KCNK2: variants seen among roughly 807,000 people sequenced by gnomAD.
KCNK2 encodes the protein potassium two pore domain channel subfamily K member 2, also known as potassium channel subfamily K member 2.
KCNK2 carries 21 observed loss-of-function variants against 40.5 expected under a neutral mutation model. The ratio of observed to expected loss-of-function variants is 0.52; its 90% CI spans 0.37 to 0.75. The LOEUF (loss-of-function observed/expected upper bound fraction) is 0.75. Ranked by LOEUF, KCNK2 falls within the 30% of genes least tolerant of loss-of-function variation. KCNK2 has a pLI of 0.00. For missense variants in KCNK2, 399 were observed against 531.6 expected, an observed-to-expected ratio of 0.75 and a Z score of 2.45; for synonymous variants, 191 against 202.2, an observed-to-expected ratio of 0.94 and a Z score of 0.47.
At chr1:215,198,423 A>C (rs1198270017) in intron 6 of KCNK2, among the ~76,000 whole-genome samples, 1 of 152,242 alleles carries the variant, frequency 6.6e-6, no homozygotes. Flanking sequence ...GAAGAAAGAC[A>C]GGGAAAGGCC....
chr1:215,193,618 TA>T (rs1664752888), intron 5 of KCNK2, among the ~76,000 whole-genome samples: 1 of 152,130 alleles, frequency 6.6e-6, no homozygotes, highest in African/African-American at 2.4e-5. Context: ...AATAATTTCT[TA>T]GCTAATTCAG....
At chr1:215,040,088 G>A (rs76536777) in intron 1 of KCNK2, among the ~76,000 whole-genome samples, 2,693 of 152,188 alleles carry the variant, frequency 0.018, 77 homozygotes, top group African/African-American at 0.062. Context: ...CCCGTGCTAA[G>A]TACTTTACAT....
intron 2 of KCNK2, among the ~76,000 whole-genome samples, chr1:215,099,077 T>C (rs1174824391): frequency 6.6e-6 from 1 of 151,948 alleles, no homozygotes; most frequent in Admixed American, 6.6e-5. Context: ...TGAACTTACA[T>C]CATGGGTGTT....
intron 1 of KCNK2, among the ~76,000 whole-genome samples, chr1:215,040,252 CT>C (rs1657519923): frequency 3.9e-5 from 6 of 152,078 alleles, no homozygotes; most frequent in Admixed American, 3.9e-4. Flanking sequence ...ATTTATCAGC[CT>C]TAGAAACTTG....
chr1:215,020,255 A>G (rs1434142876), intron 1 of KCNK2, among the ~76,000 whole-genome samples: 1 of 152,208 alleles, frequency 6.6e-6, no homozygotes, highest in Non-Finnish European at 1.5e-5. Context: ...TATCAAGCTT[A>G]AAAATAGTAT....
intron 1 of KCNK2, among the ~76,000 whole-genome samples, chr1:215,068,577 A>G (rs1465087914): frequency 2.0e-5 from 3 of 152,224 alleles, no homozygotes; most frequent in Non-Finnish European, 4.4e-5. Context: ...AAAAACAAAC[A>G]AACAAAAATA....
At chr1:215,080,639 C>A (rs1461786358), upstream of KCNK2, among the ~76,000 whole-genome samples, 3 of 152,216 alleles carry the variant, frequency 2.0e-5, no homozygotes, top group East Asian at 3.9e-4. Context: ...TGGTTTATGC[C>A]CTCACTGAGC....
rs375595240 is a variant in KCNK2 at position 215,102,058 on chromosome 1, A to G, written c.357+15380A>G. On this transcript the variant is annotated intron_variant, in intron 2 of 6. Coordinates refer to ENST00000444842, the MANE Select transcript of KCNK2 (RefSeq NM_001017425.3). ...GTACGTGTGATATTTTGATGCCTGT[A>G]TACAATATGTAATGATTAAAGGAGG... 3.9e-5 allele frequency among the ~76,000 whole-genome samples: 6 copies of G among 152,164 alleles called. 1 individual carries two copies. In the South Asian group the frequency reaches 1.2e-3, roughly 32 times the overall value.
chr1:215,161,476 T>C (rs1198478553), intron 3 of KCNK2, among the ~76,000 whole-genome samples: 2 of 152,090 alleles, frequency 1.3e-5, no homozygotes, highest in Non-Finnish European at 2.9e-5. Flanking sequence ...ACATGAAGAT[T>C]TGTTACATAG....
intron 6 of KCNK2, among the ~76,000 whole-genome samples, chr1:215,208,649 T>G (rs1665419989): frequency 6.6e-6 from 1 of 152,248 alleles, no homozygotes; most frequent in African/African-American, 2.4e-5. Flanking sequence ...ATGCTACGTA[T>G]GAAATATTGC....
At chr1:215,230,507 G>GTATATATATATATATA (rs201898524) in intron 6 of KCNK2, among the ~76,000 whole-genome samples, 3 of 65,578 alleles carry the variant, frequency 4.6e-5, no homozygotes, top group South Asian at 3.3e-4. Flanking sequence ...ACACACGGCT[G>GTATATATATATATATA]TATATATATA....
intron 4 of KCNK2, among the ~76,000 whole-genome samples, chr1:215,169,685 G>A (rs1427961656): frequency 6.7e-6 from 1 of 149,320 alleles, no homozygotes; most frequent in East Asian, 2.0e-4. Context: ...TGCCCAGGCT[G>A]CAGTGCAATG....
chr1:215,183,465 C>T (rs1283154433), intron 5 of KCNK2, among the ~76,000 whole-genome samples: 1 of 152,040 alleles, frequency 6.6e-6, no homozygotes, highest in East Asian at 1.9e-4. Flanking sequence ...AAAAACTTTT[C>T]CTCTTCTATG....
At chr1:215,019,079 T>C (rs955012025) in intron 1 of KCNK2, among the ~76,000 whole-genome samples, 1 of 152,182 alleles carries the variant, frequency 6.6e-6, no homozygotes, top group Admixed American at 6.5e-5. Flanking sequence ...TCTGATAACA[T>C]GAGCCCTGTT....
chr1:215,038,257 T>A (rs2841576), intron 1 of KCNK2, among the ~76,000 whole-genome samples: 1 of 151,952 alleles, frequency 6.6e-6, no homozygotes, highest in Non-Finnish European at 1.5e-5. Context: ...TCCTCATTCA[T>A]TTCCTTGCCT....
At chr1:215,143,608 T>G (rs1269079164) in intron 3 of KCNK2, among the ~76,000 whole-genome samples, 2 of 152,178 alleles carry the variant, frequency 1.3e-5, no homozygotes, top group African/African-American at 4.8e-5. Flanking sequence ...AATTAAACAA[T>G]GTGCCTAATC....
chr1:215,088,647 G>T (rs896464662), intron 2 of KCNK2, among the ~76,000 whole-genome samples: 7 of 151,788 alleles, frequency 4.6e-5, no homozygotes, highest in African/African-American at 1.7e-4. Context: ...TTTGAAAATG[G>T]TCTCACCGTC....
At chr1:215,197,817 T>A (rs1161138087) in intron 6 of KCNK2, among the ~76,000 whole-genome samples, 1 of 152,134 alleles carries the variant, frequency 6.6e-6, no homozygotes. Context: ...CTAGCCAACA[T>A]GGTGAAACTT....
At chr1:215,104,497 C>T (rs1660352144) in intron 2 of KCNK2, among the ~76,000 whole-genome samples, 1 of 152,036 alleles carries the variant, frequency 6.6e-6, no homozygotes, top group African/African-American at 2.4e-5. Context: ...CATTGATCAT[C>T]TGTTCTCTTG....
Sources: gnomAD v4.1 joint callset for allele counts (sites outside exome capture counted in the v4.1 genomes callset) on GRCh38, gnomAD v4.1.1 for gene constraint, MANE v1.5 for transcripts, NCBI Gene and HGNC (gene_info 2026-07-23, HGNC 2026-07-21) for gene names.